PCDHGA7: variants seen among roughly 807,000 people sequenced by gnomAD.
PCDHGA7 encodes the protein protocadherin gamma subfamily A, 7, also known as protocadherin gamma-A7.
PCDHGA7 carries 44 observed loss-of-function variants against 58.3 expected under a neutral mutation model. The ratio of observed to expected loss-of-function variants is 0.75; its 90% CI spans 0.59 to 0.97. The LOEUF is 0.97. PCDHGA7 is among the 50% of genes least tolerant of loss of function. The probability of loss-of-function intolerance (pLI) is 0.00; values close to 1 mark genes in which losing one functional copy is unlikely to be tolerated. For synonymous variants in PCDHGA7, 516 were observed against 504.2 expected, an observed-to-expected ratio of 1.02 and a Z score of -0.31; for missense variants, 1,266 against 1,188.7, an observed-to-expected ratio of 1.06 and a Z score of -0.96.
intron 1 of PCDHGA7, chr5:141,408,708 A>G (rs773303576): frequency 6.2e-6 from 10 of 1,612,888 alleles, no homozygotes; most frequent in Non-Finnish European, 8.5e-6. Flanking sequence ...TCAATTAAAG[A>G]TTATAAGATA....
At chr5:141,461,354 C>T (rs1189322704) in intron 1 of PCDHGA7, among the ~76,000 whole-genome samples, 2 of 152,054 alleles carry the variant, frequency 1.3e-5, no homozygotes, top group Non-Finnish European at 2.9e-5. Context: ...GGTGGTAGCT[C>T]GTTGTGGTTT....
rs765819865 is a variant in PCDHGA7, at chr5:141,394,837, TG to T, written c.2424+9517del. ...AGCATCCCCGAAGTCCTGACCGAGT[TG>T]GGCAGTCTGAAGCCTTCGGTCGACC... On this transcript the variant is annotated intron_variant, in intron 1 of 3. Transcript: ENST00000518325. The T allele has an allele frequency of 1.9e-6, 3 of 1,613,824 alleles. No homozygotes were observed. The South Asian group carries it at 3.3e-5, about 18-fold the overall frequency.
chr5:141,417,533 A>T (rs1253836392), intron 1 of PCDHGA7: 3 of 274,888 alleles, frequency 1.1e-5, no homozygotes, highest in African/African-American at 2.2e-5. Context: ...CTCGTAGTTT[A>T]AAAAAAATTC....
In PCDHGA7 at chr5:141,493,233, G is replaced by T. The variant is rs1335823475; in HGVS notation, c.2425-1574G>T. ...TTTGCTCTTCCCACCATTGCTGTTG[G>T]CTAGGTACTAACATGCCTCTCTTAT... is the stretch of plus-strand genomic sequence containing the variant. On this transcript the variant is annotated intron_variant, in intron 1 of 3. Coordinates refer to ENST00000518325, the MANE Select transcript of PCDHGA7 (RefSeq NM_018920.4). This position sits in a 1 kb window ranked among gnomAD's most constrained non-coding sequence, Gnocchi z 4.3. 6.6e-6 allele frequency among the ~76,000 whole-genome samples: 1 copy of T among 152,172 alleles called. No homozygotes were observed. The highest frequency in any genetic ancestry group is 2.1e-4 in the South Asian group (1 of 4,828).
intron 1 of PCDHGA7, among the ~76,000 whole-genome samples, chr5:141,463,489 C>T (rs1190438683): frequency 7.2e-6 from 1 of 138,270 alleles, no homozygotes; most frequent in African/African-American, 2.8e-5. Context: ...CGCTCTGTCA[C>T]CCAGGCTGGA....
chr5:141,423,050 G>C, intron 1 of PCDHGA7: 1 of 1,614,186 alleles, frequency 6.2e-7, no homozygotes, highest in Non-Finnish European at 8.5e-7. Flanking sequence ...CTGTCCTATC[G>C]CCTGCTTAAG....
chr5:141,419,524 T>C (rs1400473876), intron 1 of PCDHGA7: 4 of 1,612,164 alleles, frequency 2.5e-6, no homozygotes, highest in Non-Finnish European at 3.4e-6. Flanking sequence ...TGGGCGACCG[T>C]AACGACAACG....
chr5:141,463,438 CTTTTTTTTTT>C (rs71576115), intron 1 of PCDHGA7, among the ~76,000 whole-genome samples: 6 of 103,254 alleles, frequency 5.8e-5, no homozygotes, highest in Non-Finnish European at 9.4e-5. Flanking sequence ...TTTCCTTCTC[CTTTTTTTTTT>C]TTTTTTTTTT....
intron 1 of PCDHGA7, among the ~76,000 whole-genome samples, chr5:141,465,779 G>GT (rs879859429): frequency 0.017 from 2,504 of 144,598 alleles, 23 homozygotes; most frequent in Non-Finnish European, 0.024. Flanking sequence ...TCTTGTTACA[G>GT]TTTTTTTTTT....
intron 1 of PCDHGA7, chr5:141,407,978 A>ATCCGTCAGCCTCTGGCCTGGGAT (rs2095018425): frequency 2.7e-6 from 2 of 743,974 alleles, no homozygotes; most frequent in Non-Finnish European, 4.1e-6. Context: ...GACGCCGGGG[A>ATCCGTCAGCCTCTGGCCTGGGAT]TCCGTCAGCC....
rs758578821 is a variant in PCDHGA7 at position 141,486,659 on chromosome 5, G to C, written c.2425-8148G>C. The C allele has an allele frequency of 6.8e-6, 11 of 1,613,944 alleles. No individual in the cohort carries two copies. The highest frequency in any genetic ancestry group is 8.5e-6 in the Non-Finnish European group (10 of 1,180,026). On this transcript the variant is annotated intron_variant, in intron 1 of 3. Coordinates refer to ENST00000518325, the MANE Select transcript of PCDHGA7 (RefSeq NM_018920.4). The surrounding 1 kb of genome is among the most constrained non-coding windows in gnomAD (Gnocchi z 5.0). ...TGCGCTTATCTCCTACTCACTCCTGGAGCCCAGGAATCGAGATGTATCAGC... is the reference window on the plus strand; with the variant it reads ...TGCGCTTATCTCCTACTCACTCCTGCAGCCCAGGAATCGAGATGTATCAGC...
chr5:141,439,066 G>A (rs1004595196), intron 1 of PCDHGA7, among the ~76,000 whole-genome samples: 2 of 151,258 alleles, frequency 1.3e-5, no homozygotes, highest in African/African-American at 2.4e-5. Context: ...TGTGGCAGGC[G>A]CCTGTAATCC....
intron 1 of PCDHGA7, among the ~76,000 whole-genome samples, chr5:141,455,204 T>G (rs1173402170): frequency 6.6e-6 from 1 of 152,052 alleles, no homozygotes; most frequent in Admixed American, 6.6e-5. Context: ...TTACAACCAA[T>G]AAGAGTTTTT....
At chr5:141,412,981 G>C (rs1309699690) in intron 1 of PCDHGA7, 2 of 546,326 alleles carry the variant, frequency 3.7e-6, no homozygotes, top group Non-Finnish European at 3.1e-6. Context: ...AACGCAGCCA[G>C]AGCTCAATCC....
rs1164046040 is a variant in PCDHGA7, at chr5:141,476,557, C to A, written c.2425-18250C>A. ...AAATGAAATTGGAGATTAGCGAGGC[C>A]GTGGCTCCGGGGACGCGCTTTCCGC... is the stretch of plus-strand genomic sequence containing the variant. On this transcript the variant is annotated intron_variant, in intron 1 of 3. Transcript: ENST00000518325. This position sits in a 1 kb window ranked among gnomAD's most constrained non-coding sequence, Gnocchi z 7.6. The A allele has an allele frequency of 2.5e-6, 4 of 1,614,222 alleles. No individual in the cohort carries two copies. Among genetic ancestry groups the A allele is most frequent in the Admixed American group, 3.3e-5 (2 of 60,032 alleles).
intron 1 of PCDHGA7, among the ~76,000 whole-genome samples, chr5:141,402,701 G>T (rs1561683907): frequency 1.3e-5 from 2 of 152,178 alleles, no homozygotes; most frequent in African/African-American, 2.4e-5. Context: ...ACATCAGTGG[G>T]TGTAGTAACG....
chr5:141,430,365 G>GA lies in PCDHGA7; in HGVS notation c.2424+45050dup, dbSNP rs202146484. Among the ~76,000 whole-genome samples, 583 of 147,736 alleles carry GA rather than the reference G, an allele frequency of 3.9e-3. 6 individuals are homozygous for GA. The highest frequency in any genetic ancestry group is 0.011 in the Admixed American group (169 of 14,894). On this transcript the variant is annotated intron_variant, in intron 1 of 3. Coordinates refer to ENST00000518325, the MANE Select transcript of PCDHGA7 (RefSeq NM_018920.4). ...CCAATTCATTTAAAAGCTCATTGGG[G>GA]AAAAAAAAGCTCATTGGGAAAAAAA...
intron 1 of PCDHGA7, chr5:141,398,074 T>A: frequency 6.3e-7 from 1 of 1,590,802 alleles, no homozygotes; most frequent in Non-Finnish European, 8.6e-7. Context: ...ATACAGAGGT[T>A]ATTTGTAACC....
In PCDHGA7 at chr5:141,393,242, C is replaced by T. The variant is rs151037104; in HGVS notation, c.2424+7919C>T. 1,015 of 1,613,778 alleles carry T rather than the reference C, an allele frequency of 6.3e-4. 8 individuals carry two copies. The African/African-American group carries it at 0.012, about 18-fold the overall frequency. ...TCGAAGATCTAGAAGTAAAAATTAA[C>T]GAAATCGCGGTTCCTGGAGCACGTT... is the stretch of plus-strand genomic sequence containing the variant. On this transcript the variant is annotated intron_variant, in intron 1 of 3. Coordinates refer to ENST00000518325, the MANE Select transcript of PCDHGA7 (RefSeq NM_018920.4).
Sources: allele counts gnomAD v4.1 joint callset (sites outside exome capture counted in the v4.1 genomes callset), GRCh38; gene constraint gnomAD v4.1.1; non-coding constraint Gnocchi (gnomAD v3.1); transcripts MANE v1.5; gene names NCBI Gene and HGNC (gene_info 2026-07-23, HGNC 2026-07-21).